POMK: variants seen among roughly 807,000 people sequenced by gnomAD.
POMK encodes Sugen kinase 196.
A neutral mutation model predicts 23.0 loss-of-function variants in POMK; 19 were observed. The observed-to-expected ratio is 0.83, with a 90% CI of 0.58 to 1.21. The LOEUF (loss-of-function observed/expected upper bound fraction) is 1.21. Among genes scored for constraint, POMK ranks in the 50% most tolerant of loss-of-function variants. The pLI, the probability that POMK is intolerant of heterozygous loss-of-function variation, is 0.00. For synonymous variants in POMK, 173 were observed against 171.6 expected (o/e 1.01, Z -0.06); for missense variants, 410 against 431.3 (o/e 0.95, Z 0.44).
intron 4 of POMK, among the ~76,000 whole-genome samples, chr8:43,108,404 TATTGCCATAAATTAAGA>T (rs560489700): frequency 1.9e-4 from 29 of 152,362 alleles, no homozygotes; most frequent in African/African-American, 6.7e-4. Context: ...AAAATAACTG[TATTGCCATAAATTAAGA>T]ATACTCACAA....
rs1198265599 is a variant in POMK at position 43,119,936 on chromosome 8, CT to C, written c.283-2158del. Among the ~76,000 whole-genome samples, 696 of 133,418 alleles carry C rather than the reference CT, an allele frequency of 5.2e-3. 1 individual carries two copies. The highest frequency in any genetic ancestry group is 7.8e-3 in the Middle Eastern group (2 of 258). The allele number at this position is 133,418 out of a possible 152,430, so 87.5% of individuals were successfully genotyped here. On this transcript the variant is annotated intron_variant, in intron 4 of 4. Transcript: ENST00000331373. ...TCCATTTTATATAATATTTCTTTTTCTTTTTTTTTTTTTAAATTCCCAATGT... is the reference window on the plus strand; with the variant it reads ...TCCATTTTATATAATATTTCTTTTTCTTTTTTTTTTTTAAATTCCCAATGT...
chr8:43,122,463 C>G lies in POMK; in HGVS notation c.639C>G (p.Ser213=). ...CCAACGACCTGCCGAAGACACTGTCCCAGTATCTGCTAACAAGCAACTTCA... is the reference window on the plus strand; with the variant it reads ...CCAACGACCTGCCGAAGACACTGTCGCAGTATCTGCTAACAAGCAACTTCA... ...CDSNDLPKTL[S]QYLLTSNFSI... is the part of the protein sequence containing the mutation. The change falls in exon 5 of 5, where the codon TCC becomes TCG. Residue 213 remains serine (S), a synonymous_variant. Coordinates refer to ENST00000331373, the MANE Select transcript of POMK (RefSeq NM_032237.5). The G allele has an allele frequency of 6.2e-7, 1 of 1,614,134 alleles. No individual in the cohort carries two copies. Among genetic ancestry groups the G allele is most frequent in the Non-Finnish European group, 8.5e-7 (1 of 1,179,990 alleles).
intron 1 of POMK, among the ~76,000 whole-genome samples, chr8:43,095,486 G>C (rs1041033076): frequency 6.6e-6 from 1 of 152,130 alleles, no homozygotes; most frequent in African/African-American, 2.4e-5. Flanking sequence ...ATGCATTAAA[G>C]GTTTTCTGAG....
intron 4 of POMK, among the ~76,000 whole-genome samples, chr8:43,119,161 T>G (rs1413330130): frequency 6.6e-6 from 1 of 152,022 alleles, no homozygotes; most frequent in African/African-American, 2.4e-5. Flanking sequence ...GCCAGCATCG[T>G]TTTTAGGTGA....
chr8:43,105,316 A>C (rs1162230066), intron 4 of POMK, among the ~76,000 whole-genome samples: 1 of 152,212 alleles, frequency 6.6e-6, no homozygotes, highest in African/African-American at 2.4e-5. Flanking sequence ...TCCTTTAACA[A>C]ATCTCTGCCT....
chr8:43,115,157 A>G (rs923152848), intron 4 of POMK, among the ~76,000 whole-genome samples: 1 of 152,230 alleles, frequency 6.6e-6, no homozygotes, highest in African/African-American at 2.4e-5. Flanking sequence ...AAGATGTTAC[A>G]TGAACAGTCT....
intron 4 of POMK, among the ~76,000 whole-genome samples, chr8:43,114,930 C>A (rs1586677201): frequency 1.3e-5 from 2 of 152,118 alleles, no homozygotes; most frequent in South Asian, 4.1e-4. Context: ...AGCTGGGAGT[C>A]AAATTTTTTT....
chr8:43,101,634 C>G (rs566793852), intron 2 of POMK, among the ~76,000 whole-genome samples: 5 of 152,280 alleles, frequency 3.3e-5, no homozygotes, highest in African/African-American at 1.2e-4. Flanking sequence ...AACTCCTTAT[C>G]TGAAGGTCTG....
chr8:43,107,957 A>G (rs1181575862), intron 4 of POMK, among the ~76,000 whole-genome samples: 2 of 152,250 alleles, frequency 1.3e-5, no homozygotes, highest in Non-Finnish European at 2.9e-5. Flanking sequence ...TACTAGGATT[A>G]CAGGCATGAG....
At chr8:43,121,162 A>G (rs963488176) in intron 4 of POMK, among the ~76,000 whole-genome samples, 1 of 152,230 alleles carries the variant, frequency 6.6e-6, no homozygotes, top group Non-Finnish European at 1.5e-5. Context: ...CTTGATAAAT[A>G]ATGCAAAAAA....
At chr8:43,119,014 T>C (rs1055991474) in intron 4 of POMK, among the ~76,000 whole-genome samples, 1 of 152,156 alleles carries the variant, frequency 6.6e-6, no homozygotes, top group African/African-American at 2.4e-5. Context: ...GATTTCACCA[T>C]GTTAGCCAGG....
chr8:43,094,686 CTG>C (rs1360944762), intron 1 of POMK, among the ~76,000 whole-genome samples: 1 of 152,226 alleles, frequency 6.6e-6, no homozygotes, highest in Non-Finnish European at 1.5e-5. Context: ...TGACATTACT[CTG>C]TGTCTTCCCT....
At chr8:43,108,028 A>C (rs1212156587) in intron 4 of POMK, among the ~76,000 whole-genome samples, 1 of 152,194 alleles carries the variant, frequency 6.6e-6, no homozygotes, top group Non-Finnish European at 1.5e-5. Flanking sequence ...CCTTTGATGG[A>C]ACTCTGTTCC....
intron 1 of POMK, among the ~76,000 whole-genome samples, chr8:43,096,595 C>T (rs1462350386): frequency 6.6e-6 from 1 of 152,096 alleles, no homozygotes; most frequent in Non-Finnish European, 1.5e-5. Context: ...ATCCCTTTAA[C>T]AAGGGAGTCA....
chr8:43,101,417 C>CAAAA (rs1156411465), intron 2 of POMK, among the ~76,000 whole-genome samples: 9 of 57,530 alleles, frequency 1.6e-4, no homozygotes, highest in African/African-American at 4.3e-4. Context: ...GACCCTATGT[C>CAAAA]AAAAAAAAAA....
At chr8:43,104,917 GCAAGATGCTGTCTC>G (rs1367250987) in intron 4 of POMK, among the ~76,000 whole-genome samples, 2 of 152,040 alleles carry the variant, frequency 1.3e-5, no homozygotes, top group African/African-American at 4.8e-5. Context: ...GGGTGACAGA[GCAAGATGCTGTCTC>G]CAAAGGAAAA....
At chr8:43,109,589 C>A (rs112326785) in intron 4 of POMK, among the ~76,000 whole-genome samples, 4,892 of 152,092 alleles carry the variant, frequency 0.032, 279 homozygotes, top group African/African-American at 0.11. Context: ...GTTGCCCAGG[C>A]TGGAGTGCAA....
intron 4 of POMK, among the ~76,000 whole-genome samples, chr8:43,118,835 G>A (rs886214906): frequency 2.0e-5 from 3 of 152,040 alleles, no homozygotes; most frequent in Non-Finnish European, 4.4e-5. Context: ...ACGGAGTCTC[G>A]CTCTGTTGCC....
At chr8:43,105,825 G>A (rs1811533852) in intron 4 of POMK, among the ~76,000 whole-genome samples, 1 of 152,058 alleles carries the variant, frequency 6.6e-6, no homozygotes, top group South Asian at 2.1e-4. Context: ...CACCATGCCC[G>A]GCTAATTTTA....
Sources: gnomAD v4.1 joint callset for allele counts (sites outside exome capture counted in the v4.1 genomes callset) on GRCh38, gnomAD v4.1.1 for gene constraint, MANE v1.5 for transcripts, NCBI Gene and HGNC (gene_info 2026-07-23, HGNC 2026-07-21) for gene names.